PSEN2: variants seen among roughly 807,000 people sequenced by gnomAD.
The protein encoded by PSEN2 is presenilin 2, also known as presenilin-2.
In PSEN2, 32 loss-of-function variants were observed where a neutral mutation model predicts 49.1. The observed-to-expected ratio is 0.65, with a 90% CI of 0.49 to 0.88. The LOEUF (loss-of-function observed/expected upper bound fraction) is 0.88, where lower values mean the gene tolerates loss of function less well. Ranked by LOEUF, PSEN2 falls within the 40% of genes least tolerant of loss-of-function variation. The pLI is 0.00. For synonymous variants in PSEN2, 255 were observed against 244.0 expected (o/e 1.05, Z -0.42); for missense variants, 522 against 586.9 (o/e 0.89, Z 1.14).
downstream of PSEN2, among the ~76,000 whole-genome samples, chr1:226,897,184 C>T (rs187573931): frequency 4.8e-3 from 732 of 152,112 alleles, 4 homozygotes; most frequent in African/African-American, 0.016. Context: ...GGTGACAACT[C>T]GCAAGAGGTT....
At chr1:226,899,586 C>A (rs1305104676), downstream of PSEN2, 1 of 152,202 alleles carries the variant, frequency 6.6e-6, no homozygotes, top group African/African-American at 2.4e-5. Context: ...ACTGGATCTC[C>A]TAAAACAGTA....
rs774201206 is a variant in PSEN2, at chr1:226,888,729, T to C, written c.567-100T>C. 28 of 1,021,976 alleles carry C rather than the reference T, an allele frequency of 2.7e-5. 1 individual carries two copies. The highest frequency in any genetic ancestry group is 4.2e-5 in the Non-Finnish European group (27 of 645,586). 63.3% of individuals were successfully genotyped at this position (1,021,976 alleles called of 1,614,324 possible). On this transcript the variant is annotated intron_variant, in intron 7 of 12. Coordinates refer to ENST00000366783, the MANE Select transcript of PSEN2 (RefSeq NM_000447.3). ...GGACAGTGAAGGTCGGGGAAGGAAA[T>C]GTTAGTAAAGAGGGCCAGGTTGGGA...
At position 226,882,072 on chromosome 1, in the gene PSEN2, GC is replaced by G. The variant is rs757852923; in HGVS notation, c.141+26del. The G allele has an allele frequency of 1.9e-6, 3 of 1,613,320 alleles. No individual in the cohort carries two copies. The African/African-American group carries it at 4.0e-5, about 21-fold the overall frequency. The stretch of plus-strand genomic sequence containing the variant: ...GGGTAGGTCCCACCAGCAGCTGGGG[GC>G]CTTCAAACAGGTCCCTGCGGCTACT... On this transcript the variant is annotated intron_variant, in intron 4 of 12. Transcript: ENST00000366783.
intron 3 of PSEN2, among the ~76,000 whole-genome samples, chr1:226,876,761 T>C (rs1660652314): frequency 6.6e-6 from 1 of 152,242 alleles, no homozygotes; most frequent in African/African-American, 2.4e-5. Context: ...TTGGTGGTCC[T>C]GTCACAGTCT....
rs776980191 is a variant in PSEN2, at chr1:226,888,814, A to G, written c.567-15A>G. ...CCACTGAGTCCCAGTCACAGGCTCC[A>G]CCTTGGTCCTGCAGGGAAGTGCTCA... On this transcript the variant is annotated splice_polypyrimidine_tract_variant and intron_variant, in intron 7 of 12. Coordinates refer to ENST00000366783, the MANE Select transcript of PSEN2 (RefSeq NM_000447.3). The G allele has an allele frequency of 3.1e-6, 5 of 1,609,834 alleles. No homozygotes were observed. In the African/African-American group the frequency reaches 6.7e-5, roughly 22 times the overall value.
intron 3 of PSEN2, among the ~76,000 whole-genome samples, chr1:226,877,604 C>G (rs555696629): frequency 1.8e-4 from 28 of 152,340 alleles, no homozygotes; most frequent in African/African-American, 6.3e-4. Flanking sequence ...ACAGCTGAGA[C>G]TAGCTCTTCC....
intron 2 of PSEN2, among the ~76,000 whole-genome samples, chr1:226,872,969 G>A (rs904777040): frequency 8.5e-5 from 13 of 152,158 alleles, no homozygotes; most frequent in African/African-American, 2.9e-4. Context: ...CCTGAGGTCG[G>A]AAGTTTGAGA....
intron 9 of PSEN2, 32 bp downstream of exon 9, chr1:226,890,165 C>T (rs1251425485): frequency 5.7e-6 from 9 of 1,569,340 alleles, no homozygotes; most frequent in African/African-American, 1.4e-5. Context: ...CTGCCTGACT[C>T]GGGGTCAGCA....
chr1:226,883,825 G>A lies in PSEN2; in HGVS notation c.262G>A (p.Val88Met), dbSNP rs758086169. ...GACCCTCAAATACGGAGCGAAGCAC[G>A]TGATCATGCTGTTTGTGCCTGTCAC... ...ELTLKYGAKH[V>M]IMLFVPVTLC... Residue 88 changes from valine (V) to methionine (M), a missense_variant, in exon 5 of 13, where the codon GTG (valine) becomes ATG (methionine). Physicochemically the swap from Val to Met is conservative, Grantham distance 21. Transcript: ENST00000366783. 3.7e-6 allele frequency: 6 copies of A among 1,614,138 alleles called. No homozygotes were observed. Among genetic ancestry groups the A allele is most frequent in the East Asian group, 4.5e-5 (2 of 44,890 alleles).
intron 3 of PSEN2, 143 bp from the exon 4 acceptor site, chr1:226,881,745 G>A (rs916733038): frequency 6.6e-6 from 6 of 903,932 alleles, no homozygotes; most frequent in African/African-American, 3.3e-5. Context: ...TATGGCAGTC[G>A]TTTGATTGAC....
rs370386801 is a variant in PSEN2, at chr1:226,890,144, C to T, written c.886+11C>T. 25 of 1,603,566 alleles carry T rather than the reference C, an allele frequency of 1.6e-5. No individual in the cohort carries two copies. The highest frequency in any genetic ancestry group is 6.7e-5 in the African/African-American group (5 of 74,674). On this transcript the variant is annotated intron_variant, in intron 9 of 12. Coordinates refer to ENST00000366783, the MANE Select transcript of PSEN2 (RefSeq NM_000447.3). Reference sequence around the variant, plus strand: ...CCCTGATATACTCATGTGAGTGAGCCCCCCGTGCCTCTGCCTGACTCGGGG... The same window carrying T: ...CCCTGATATACTCATGTGAGTGAGCTCCCCGTGCCTCTGCCTGACTCGGGG...
In PSEN2 at chr1:226,895,599, G is replaced by C. The variant is rs201399057; in HGVS notation, c.*20G>C. 6.2e-7 allele frequency: 1 copy of C among 1,602,872 alleles called. No individual in the cohort carries two copies. The highest frequency in any genetic ancestry group is 8.5e-7 in the Non-Finnish European group (1 of 1,174,270). On this transcript the variant is annotated 3_prime_UTR_variant, in exon 13 of 13. Transcript: ENST00000366783. ...ATCTGAGGGACATGGTGTGCCACAG[G>C]CTGCAAGCTGCAGGGAATTTTCATT...
intron 3 of PSEN2, among the ~76,000 whole-genome samples, chr1:226,875,831 T>A (rs995263701): frequency 2.6e-5 from 4 of 152,230 alleles, no homozygotes; most frequent in African/African-American, 9.6e-5. Flanking sequence ...GTTTGGCTAA[T>A]TCAGCAGTTT....
intron 11 of PSEN2, among the ~76,000 whole-genome samples, chr1:226,892,693 G>A (rs755197457): frequency 3.9e-5 from 6 of 152,080 alleles, no homozygotes; most frequent in Non-Finnish European, 8.8e-5. Flanking sequence ...GCTTGGGGGA[G>A]GTATTTATTC....
At position 226,883,770 on chromosome 1, in the gene PSEN2, C is replaced by T. The variant is rs142546082; in HGVS notation, c.207C>T (p.Pro69=). The T allele has an allele frequency of 6.0e-5, 97 of 1,614,106 alleles. No homozygotes were observed. The Middle Eastern group carries it at 6.6e-4, about 11-fold the overall frequency. ...ACCGCTATGTCTGTAGTGGGGTTCC[C>T]GGGCGGCCGCCAGGCCTGGAGGAAG... ...DPDRYVCSGV[P]GRPPGLEEEL... Residue 69 remains proline (P), a synonymous_variant, in exon 5 of 13, where the codon CCC becomes CCT. Transcript: ENST00000366783.
At position 226,891,289 on chromosome 1, in the gene PSEN2, T is replaced by G; in HGVS notation, c.898T>G (p.Trp300Gly). The G allele has an allele frequency of 6.2e-7, 1 of 1,613,826 alleles. No homozygotes were observed. Among genetic ancestry groups the G allele is most frequent in the Non-Finnish European group, 8.5e-7 (1 of 1,179,952 alleles). The change falls in exon 10 of 13, where the codon TGG becomes GGG. Residue 300 changes from tryptophan (W) to glycine (G), a missense_variant. Transcript: ENST00000366783. ...TTCTCCTCCCCCAGCTGCCATGGTGTGGACGGTTGGCATGGCGAAGCTGGA... is the reference window on the plus strand; with the variant it reads ...TTCTCCTCCCCCAGCTGCCATGGTGGGGACGGTTGGCATGGCGAAGCTGGA... The part of the protein sequence containing the change: ...PALIYSSAMV[W>G]TVGMAKLDPS...
chr1:226,888,303 C>T (rs952528206), intron 7 of PSEN2, 145 bp downstream of exon 7: 9 of 737,486 alleles, frequency 1.2e-5, no homozygotes, highest in Admixed American at 1.2e-4. Flanking sequence ...CCCAGGCCTC[C>T]GTCGCCCTCT....
chr1:226,888,084 T>C lies in PSEN2; in HGVS notation c.499-7T>C, dbSNP rs770806400. The C allele has an allele frequency of 3.7e-6, 6 of 1,612,562 alleles. No homozygotes were observed. Among genetic ancestry groups the C allele is most frequent in the Non-Finnish European group, 5.1e-6 (6 of 1,178,562 alleles). ...CACCTTGTGATCGTGCAATTTCTGT[T>C]GTCTAGTTCATCCATGGCTGGTTGA... On this transcript the variant is annotated splice_region_variant and splice_polypyrimidine_tract_variant and intron_variant, in intron 6 of 12. Transcript: ENST00000366783.
chr1:226,894,796 A>G (rs998920698), intron 12 of PSEN2, among the ~76,000 whole-genome samples: 2 of 152,226 alleles, frequency 1.3e-5, no homozygotes, highest in Non-Finnish European at 2.9e-5. Context: ...TTGATGCTCC[A>G]GTGTCCAGAA....
Sources: gnomAD v4.1 joint callset for allele counts (sites outside exome capture counted in the v4.1 genomes callset) on GRCh38, gnomAD v4.1.1 for gene constraint, MANE v1.5 for transcripts, NCBI Gene and HGNC (gene_info 2026-07-23, HGNC 2026-07-21) for gene names.